PCDHA1: variants seen among roughly 807,000 people sequenced by gnomAD.
The protein encoded by PCDHA1 is protocadherin alpha-1.
A neutral mutation model predicts 61.3 loss-of-function variants in PCDHA1; 42 were observed. The ratio of observed to expected loss-of-function variants is 0.69; its 90% CI spans 0.54 to 0.89. The LOEUF (loss-of-function observed/expected upper bound fraction) is 0.89, where lower values mean the gene tolerates loss of function less well. PCDHA1 is among the 40% of genes least tolerant of loss of function. The probability of loss-of-function intolerance (pLI) is 0.00; values close to 1 mark genes in which losing one functional copy is unlikely to be tolerated. For synonymous variants in PCDHA1, 610 were observed against 553.8 expected, an observed-to-expected ratio of 1.10 and a Z score of -1.43; for missense variants, 1,256 against 1,235.3, an observed-to-expected ratio of 1.02 and a Z score of -0.25.
rs374028253 is a variant in PCDHA1, at chr5:140,876,864, G to C, written c.2394+88180G>C. ...CGCAGCCCGAGTACACAGTGTTCGT[G>C]AAGGAGAACAACCCGCCGGGCTGCC... is the stretch of plus-strand genomic sequence containing the variant. On this transcript the variant is annotated intron_variant, in intron 1 of 3. Transcript: ENST00000504120. The C allele has an allele frequency of 5.1e-5, 82 of 1,614,026 alleles. No individual in the cohort carries two copies. The African/African-American group carries it at 1.0e-3, about 20-fold the overall frequency.
chr5:140,896,782 T>C (rs2065751809), intron 1 of PCDHA1, among the ~76,000 whole-genome samples: 1 of 152,206 alleles, frequency 6.6e-6, no homozygotes, highest in African/African-American at 2.4e-5. Context: ...AGTTTGCTGA[T>C]ATTTTCTCCC....
intron 1 of PCDHA1, chr5:140,814,378 T>C (rs1765503898): frequency 1.3e-5 from 2 of 152,092 alleles, no homozygotes; most frequent in Admixed American, 1.3e-4. Flanking sequence ...TCATCTCCTA[T>C]GATAACAATA....
chr5:140,967,460 G>A, intron 1 of PCDHA1: 1 of 1,613,538 alleles, frequency 6.2e-7, no homozygotes, highest in Non-Finnish European at 8.5e-7. Context: ...AGCCGTGGAT[G>A]GGGGCATCCC....
At chr5:140,923,630 G>T (rs1278599561) in intron 1 of PCDHA1, among the ~76,000 whole-genome samples, 1 of 152,106 alleles carries the variant, frequency 6.6e-6, no homozygotes, top group Admixed American at 6.5e-5. Flanking sequence ...TATCCAAAAG[G>T]CAAAAATCTT....
chr5:140,943,804 G>C (rs996208541), intron 1 of PCDHA1, among the ~76,000 whole-genome samples: 2 of 152,224 alleles, frequency 1.3e-5, no homozygotes, highest in Non-Finnish European at 2.9e-5. Flanking sequence ...AGCAAAAGAG[G>C]AAAGTTTGAA....
chr5:140,871,280 C>A, intron 1 of PCDHA1: 1 of 1,613,916 alleles, frequency 6.2e-7, no homozygotes, highest in Non-Finnish European at 8.5e-7. Context: ...TCGGCAACGC[C>A]CACTGAGGGC....
intron 1 of PCDHA1, among the ~76,000 whole-genome samples, chr5:140,951,209 A>C (rs1302279809): frequency 6.6e-6 from 1 of 151,904 alleles, no homozygotes; most frequent in Non-Finnish European, 1.5e-5. Context: ...GTGTCATCTC[A>C]GGTTTGGATT....
Position 140,786,711 on chromosome 5 carries a change from T to C in PCDHA1, c.421T>C (p.Phe141Leu), listed in dbSNP as rs1554117523. Residue 141 changes from phenylalanine (F) to leucine (L), a missense_variant, in exon 1 of 4, where the codon TTT becomes CTT. Coordinates refer to ENST00000504120, the MANE Select transcript of PCDHA1 (RefSeq NM_018900.4). ...PVFRGREQII[F>L]IPESRLLNSR... ...CTTCAGGGGCAGAGAACAAATAATA[T>C]TTATTCCTGAATCTAGACTCCTGAA... The C allele has an allele frequency of 6.2e-7, 1 of 1,614,142 alleles. No homozygotes were observed.
intron 1 of PCDHA1, chr5:140,841,810 A>C (rs2150323152): frequency 5.6e-6 from 9 of 1,613,740 alleles, no homozygotes; most frequent in East Asian, 2.2e-5. Flanking sequence ...CAGATGTTGG[A>C]GCTAACTCCG....
intron 1 of PCDHA1, among the ~76,000 whole-genome samples, chr5:140,922,214 C>T (rs1554200731): frequency 1.3e-5 from 2 of 152,004 alleles, no homozygotes; most frequent in African/African-American, 4.8e-5. Context: ...CTTTGTAAAA[C>T]ATTTGAACCT....
chr5:140,786,324 C>T lies in PCDHA1; in HGVS notation c.34C>T (p.Arg12Trp), dbSNP rs1761298952. The T allele has an allele frequency of 6.2e-7, 1 of 1,611,952 alleles. No homozygotes were observed. The highest frequency in any genetic ancestry group is 1.1e-5 in the South Asian group (1 of 90,856). Residue 12 changes from arginine to tryptophan, a missense_variant, in exon 1 of 4, where the codon CGG (arginine) becomes TGG (tryptophan). Arg to Trp is a moderately radical substitution (Grantham distance 101). Transcript: ENST00000504120. ...VFSRRGGLGA[R>W]DLLLWLLLLA... ...TTCTAGGAGAGGGGGCCTGGGAGCC[C>T]GGGATCTGCTTCTTTGGCTTCTGCT...
chr5:140,836,089 G>A, intron 1 of PCDHA1: 1 of 1,613,682 alleles, frequency 6.2e-7, no homozygotes, highest in Non-Finnish European at 8.5e-7. Flanking sequence ...CTGGCGCCTC[G>A]GGTGGGTGGC....
At chr5:140,878,103 G>A (rs2153358436) in intron 1 of PCDHA1, 1 of 261,846 alleles carries the variant, frequency 3.8e-6, no homozygotes, top group East Asian at 7.9e-5. Context: ...GATGAACCTT[G>A]AAAAAAACAG....
At chr5:140,796,413 C>T in intron 1 of PCDHA1, 1 of 1,613,912 alleles carries the variant, frequency 6.2e-7, no homozygotes, top group Non-Finnish European at 8.5e-7. Context: ...GGGATGCGGA[C>T]GCGCAGGAGA....
chr5:140,911,724 C>T (rs1255448143), intron 1 of PCDHA1, among the ~76,000 whole-genome samples: 1 of 151,192 alleles, frequency 6.6e-6, no homozygotes, highest in Non-Finnish European at 1.5e-5. Context: ...ACTCTGTAAA[C>T]AGTTCGTGCC....
rs1458420006 is a variant in PCDHA1 at position 140,928,100 on chromosome 5, T to A, written c.2395-50849T>A. On this transcript the variant is annotated intron_variant, in intron 1 of 3. Transcript: ENST00000504120. Reference sequence around the variant, plus strand: ...TACAGCCTGCTGATTGATGGGCCCCTGGACCGGGAGCAGATCAGTGAATAC... The same window carrying A: ...TACAGCCTGCTGATTGATGGGCCCCAGGACCGGGAGCAGATCAGTGAATAC... 2.3e-5 allele frequency: 37 copies of A among 1,614,090 alleles called. No individual in the cohort carries two copies. Among genetic ancestry groups the A allele is most frequent in the Non-Finnish European group, 2.9e-5 (34 of 1,180,048 alleles).
Position 140,850,429 on chromosome 5 carries a change from A to T in PCDHA1, c.2394+61745A>T. The T allele has an allele frequency of 1.3e-6, 2 of 1,597,934 alleles. 1 individual carries two copies. Among genetic ancestry groups the T allele is most frequent in the Middle Eastern group, 3.3e-4 (2 of 5,994 alleles). ...CTGGACGAAACGGACGCACCGCGCC[A>T]GCGCCTACTGGTGCTGGTGAAAGAC... On this transcript the variant is annotated intron_variant, in intron 1 of 3. Coordinates refer to ENST00000504120, the MANE Select transcript of PCDHA1 (RefSeq NM_018900.4).
intron 1 of PCDHA1, among the ~76,000 whole-genome samples, chr5:140,937,898 T>C (rs11950543): frequency 0.02 from 2,906 of 145,270 alleles, 39 homozygotes; most frequent in East Asian, 0.058. Flanking sequence ...GGCGACAGAG[T>C]GAGACTCCGT....
At chr5:140,961,479 C>G (rs2095615905) in intron 1 of PCDHA1, among the ~76,000 whole-genome samples, 1 of 152,108 alleles carries the variant, frequency 6.6e-6, no homozygotes, top group Non-Finnish European at 1.5e-5. Context: ...TTTGTCTTGT[C>G]CACGTGAGTA....
Sources: allele counts gnomAD v4.1 joint callset (sites outside exome capture counted in the v4.1 genomes callset), GRCh38; gene constraint gnomAD v4.1.1; transcripts MANE v1.5; gene names NCBI Gene and HGNC (gene_info 2026-07-23, HGNC 2026-07-21).